ACP6: variants seen among roughly 807,000 people sequenced by gnomAD.
ACP6 encodes lysophosphatidic acid phosphatase type 6.
In ACP6, 48 loss-of-function variants were observed where a neutral mutation model predicts 48.1. The observed-to-expected ratio is 1.00, with a 90% confidence interval of 0.79 to 1.27. The LOEUF (loss-of-function observed/expected upper bound fraction) is 1.27, where lower values mean the gene tolerates loss of function less well. ACP6 is among the 50% of genes most tolerant of loss of function. The probability of loss-of-function intolerance (pLI) is 0.00; values close to 1 mark genes in which losing one functional copy is unlikely to be tolerated. For missense variants in ACP6, 485 were observed against 529.1 expected, an observed-to-expected ratio of 0.92 and a Z score of 0.82; for synonymous variants, 172 against 204.2, an observed-to-expected ratio of 0.84 and a Z score of 1.34.
intron 6 of ACP6, among the ~76,000 whole-genome samples, chr1:147,653,808 G>T (rs1189884352): frequency 1.3e-5 from 2 of 152,112 alleles, no homozygotes; most frequent in Admixed American, 1.3e-4. Flanking sequence ...TTTATGAAGG[G>T]CATCTCAGAT....
chr1:147,637,629 C>G (rs910340126), downstream of ACP6, among the ~76,000 whole-genome samples: 2 of 152,180 alleles, frequency 1.3e-5, no homozygotes, highest in Admixed American at 1.3e-4. Flanking sequence ...AGCCATTGCA[C>G]ATTTAGGATT....
Position 147,650,347 on chromosome 1 carries a change from G to C in ACP6, c.882-109C>G, listed in dbSNP as rs1298589220. The C allele has an allele frequency of 5.7e-6, 4 of 702,534 alleles. No homozygotes were observed. The African/African-American group carries it at 7.5e-5, about 13-fold the overall frequency. The allele number at this position is 702,534 out of a possible 1,614,324, so 43.5% of individuals were successfully genotyped here. ...TGAGTCCAGACAGAGCTGAGAAAAA[G>C]GCAAGTAATGCATAAGGGCCAGCAA... is the stretch of plus-strand genomic sequence containing the variant. On this transcript the variant is annotated intron_variant, in intron 7 of 9. Transcript: ENST00000583509.
At chr1:147,635,895 T>A (rs1244538292) in intron 5 of ACP6, among the ~76,000 whole-genome samples, 1 of 152,134 alleles carries the variant, frequency 6.6e-6, no homozygotes, top group Non-Finnish European at 1.5e-5. Context: ...ACCTCTCCCA[T>A]CTAACTGATG....
rs782413527 is a variant in ACP6, at chr1:147,670,161, G to C, written c.-113C>G. ...CAAGTCCGCGGGAACCTGCGGATGC[G>C]TACATCCAGCCCTTCAGCAAGCAGG... On this transcript the variant is annotated 5_prime_UTR_variant, in exon 1 of 10. An upstream open reading frame in the 5' UTR gains an earlier in-frame stop. Transcript: ENST00000583509. 2 of 1,001,198 alleles carry C rather than the reference G, an allele frequency of 2.0e-6. No homozygotes were observed. Among genetic ancestry groups the C allele is most frequent in the South Asian group, 3.5e-5 (2 of 57,700 alleles). The allele number at this position is 1,001,198 out of a possible 1,614,324, so 62.0% of individuals were successfully genotyped here. A position where few individuals can be genotyped will look rare whatever the true frequency, so the allele number is the denominator to read the frequency against.
At chr1:147,663,151 G>A (rs1660629649) in intron 1 of ACP6, among the ~76,000 whole-genome samples, 2 of 152,158 alleles carry the variant, frequency 1.3e-5, no homozygotes, top group South Asian at 2.1e-4. Context: ...AACAACTGTG[G>A]GTCTCACTTT....
chr1:147,635,322 G>T (rs1659269565), intron 5 of ACP6, among the ~76,000 whole-genome samples: 1 of 152,134 alleles, frequency 6.6e-6, no homozygotes, highest in South Asian at 2.1e-4. Context: ...ATCCCTCCCA[G>T]CAATCTTGGG....
At chr1:147,637,414 G>A (rs1347333826), downstream of ACP6, among the ~76,000 whole-genome samples, 1 of 152,108 alleles carries the variant, frequency 6.6e-6, no homozygotes, top group Non-Finnish European at 1.5e-5. Flanking sequence ...ATACTGTTCT[G>A]CGTGTGGTCC....
At chr1:147,634,434 A>C (rs1343947085) in intron 5 of ACP6, among the ~76,000 whole-genome samples, 2 of 4,284 alleles carry the variant, frequency 4.7e-4, no homozygotes, top group South Asian at 0.02. Flanking sequence ...TTGATGCCTA[A>C]AAGTTTTTTT....
chr1:147,654,147 C>T (rs782214996), intron 6 of ACP6, 47 bp downstream of exon 6: 1 of 1,599,918 alleles, frequency 6.3e-7, no homozygotes, highest in Non-Finnish European at 8.5e-7. Flanking sequence ...ACTCCGGAGC[C>T]AGCCCACCAA....
rs1557882331 is a variant in ACP6, at chr1:147,652,461, GGC to G, written c.867_868del (p.Pro290GlnfsTer45). On this transcript the variant is annotated frameshift_variant, in exon 7 of 10. Coordinates refer to ENST00000583509, the MANE Select transcript of ACP6 (RefSeq NM_016361.5). LOFTEE classifies it high-confidence loss of function. ...GAGAGCCCCTCACCTGTCTTCCTTG[GGC>G]AGTATGTACAAGGATGTGTCCACAG... 1 of 1,613,156 alleles carries G rather than the reference GGC, an allele frequency of 6.2e-7. No homozygotes were observed. Among genetic ancestry groups the G allele is most frequent in the East Asian group, 2.2e-5 (1 of 44,864 alleles).
intron 8 of ACP6, among the ~76,000 whole-genome samples, chr1:147,648,637 C>T (rs1465273060): frequency 4.6e-5 from 7 of 152,070 alleles, no homozygotes; most frequent in African/African-American, 1.7e-4. Flanking sequence ...TTCTCCTGGC[C>T]TCCTCCTTGC....
chr1:147,670,165 A>C lies in ACP6; in HGVS notation c.-117T>G. ...TCCGCGGGAACCTGCGGATGCGTAC[A>C]TCCAGCCCTTCAGCAAGCAGGGACC... On this transcript the variant is annotated 5_prime_UTR_variant, in exon 1 of 10. It removes an upstream start codon present in the reference 5' UTR. Coordinates refer to ENST00000583509, the MANE Select transcript of ACP6 (RefSeq NM_016361.5). The C allele has an allele frequency of 1.0e-6, 1 of 955,668 alleles. No individual in the cohort carries two copies. The highest frequency in any genetic ancestry group is 1.5e-6 in the Non-Finnish European group (1 of 665,704). The allele number at this position is 955,668 out of a possible 1,614,324, so 59.2% of individuals were successfully genotyped here.
chr1:147,668,754 C>A (rs990559221), intron 1 of ACP6, among the ~76,000 whole-genome samples: 1 of 152,094 alleles, frequency 6.6e-6, no homozygotes, highest in Non-Finnish European at 1.5e-5. Flanking sequence ...AACTAGAAAC[C>A]TGGTAATAGA....
rs1283713487 is a variant in ACP6, at chr1:147,643,623, C to T, written c.*3800G>A. On this transcript the variant is annotated 3_prime_UTR_variant, in exon 10 of 10. Transcript: ENST00000583509. ...AGGACTACTTGGCATACTCCATCTT[C>T]AACGATAGTAAGAATGGGATGGGAT... 1.3e-5 allele frequency: 2 copies of T among 152,096 alleles called. No homozygotes were observed. Among genetic ancestry groups the T allele is most frequent in the African/African-American group, 4.8e-5 (2 of 41,410 alleles). 9.4% of individuals were successfully genotyped at this position (152,096 alleles called of 1,614,324 possible).
At chr1:147,637,791 A>G (rs1181837455), downstream of ACP6, among the ~76,000 whole-genome samples, 1 of 152,236 alleles carries the variant, frequency 6.6e-6, no homozygotes, top group Non-Finnish European at 1.5e-5. Context: ...CCTAGGATCT[A>G]AAACTGATAT....
intron 1 of ACP6, among the ~76,000 whole-genome samples, chr1:147,663,106 G>A (rs1174152263): frequency 6.6e-6 from 1 of 151,970 alleles, no homozygotes; most frequent in African/African-American, 2.4e-5. Context: ...ACAGAAGAGT[G>A]TAAACACAAC....
Position 147,669,866 on chromosome 1 carries a change from A to C in ACP6, c.183T>G (p.Ala61=). The C allele has an allele frequency of 6.2e-7, 1 of 1,600,018 alleles. No individual in the cohort carries two copies. Among genetic ancestry groups the C allele is most frequent in the Non-Finnish European group, 8.5e-7 (1 of 1,174,056 alleles). ...KMVQVVFRHG[A]RSPLKPLPLE... ...GCGGGAGCGGCTTGAGAGGACTCCG[A>C]GCCCCGTGTCGAAACACGACCTGCA... Residue 61 remains alanine (A), a synonymous_variant, in exon 1 of 10, where the codon GCT becomes GCG. Transcript: ENST00000583509.
rs1214861894 is a variant in ACP6, at chr1:147,647,454, G to A, written c.1256C>T (p.Thr419Ile). ...PEKYHALCSQ[T>I]QVMEVGNEE ...TTCATTTCCAACTTCCATCACCTGA[G>A]TTTGAGAGCAGAGTGCGTGGTATTT... The change falls in exon 10 of 10, where the codon ACT becomes ATT. Residue 419 changes from threonine (T) to isoleucine (I), a missense_variant. By Grantham distance (89) the Thr-to-Ile change is moderately conservative. Transcript: ENST00000583509. The A allele has an allele frequency of 3.1e-6, 5 of 1,614,140 alleles. No homozygotes were observed. The East Asian group carries it at 1.1e-4, about 36-fold the overall frequency.
At position 147,669,871 on chromosome 1, in the gene ACP6, CG is replaced by C; in HGVS notation, c.177del (p.His59GlnfsTer16). The C allele has an allele frequency of 1.9e-6, 3 of 1,600,760 alleles. No individual in the cohort carries two copies. Among genetic ancestry groups the C allele is most frequent in the Non-Finnish European group, 2.6e-6 (3 of 1,174,384 alleles). ...KLKMVQVVFR[H>X]GARSPLKPLP... ...AGCGGCTTGAGAGGACTCCGAGCCC[CG>C]TGTCGAAACACGACCTGCACCATTT... On this transcript the variant is annotated frameshift_variant, in exon 1 of 10. Coordinates refer to ENST00000583509, the MANE Select transcript of ACP6 (RefSeq NM_016361.5). LOFTEE classifies it high-confidence loss of function.
Sources: allele counts gnomAD v4.1 joint callset (sites outside exome capture counted in the v4.1 genomes callset), GRCh38; gene constraint gnomAD v4.1.1; transcripts MANE v1.5; gene names NCBI Gene and HGNC (gene_info 2026-07-23, HGNC 2026-07-21).